The following UPRT variants were observed in gnomAD, a reference collection of about 807,000 sequenced individuals.
UPRT encodes uracil phosphoribosyltransferase homolog.
Under a neutral mutation model 22.6 loss-of-function variants are expected in UPRT, and 5 were observed. The observed-to-expected ratio is 0.22, with a 90% confidence interval of 0.12 to 0.47. The LOEUF (loss-of-function observed/expected upper bound fraction) is 0.47, where lower values mean the gene tolerates loss of function less well. UPRT is among the 20% of genes least tolerant of loss of function. UPRT has a pLI of 0.99. For missense variants in UPRT, 181 were observed against 239.9 expected (o/e 0.75, Z 1.62); for synonymous variants, 77 against 87.7 (o/e 0.88, Z 0.68).
chrX:75,184,731 G>A (rs1422953457), intron 4 of UPRT, among the ~76,000 whole-genome samples: 5 of 109,338 alleles, frequency 4.6e-5, no homozygotes, highest in Admixed American at 3.9e-4. Flanking sequence ...TCCTTGAAGA[G>A]GTCCTTCACA....
chrX:75,253,001 A>T (rs2082536808), intron 4 of UPRT, among the ~76,000 whole-genome samples: 1 of 110,861 alleles, frequency 9.0e-6, no homozygotes, highest in Admixed American at 9.6e-5. Flanking sequence ...ATGAGAACAC[A>T]TGGACACAGG....
intron 1 of UPRT, among the ~76,000 whole-genome samples, chrX:75,277,931 G>A (rs973083421): frequency 3.6e-5 from 4 of 111,057 alleles, no homozygotes; most frequent in African/African-American, 1.3e-4. Context: ...TCTCTCACAA[G>A]ACCTGTTTTA....
chrX:75,244,287 G>T (rs775586438), intron 4 of UPRT, among the ~76,000 whole-genome samples: 3 of 111,867 alleles, frequency 2.7e-5, no homozygotes, highest in Non-Finnish European at 3.8e-5. Context: ...GAATGTGTTG[G>T]TAAGATTCCT....
chrX:75,240,661 A>G (rs1187230212), intron 4 of UPRT, among the ~76,000 whole-genome samples: 2 of 111,869 alleles, frequency 1.8e-5, no homozygotes, highest in African/African-American at 6.5e-5. Flanking sequence ...GAGGTATCAC[A>G]TTACTTGACT....
At chrX:75,172,257 T>C (rs1382622168) in intron 4 of UPRT, among the ~76,000 whole-genome samples, 1 of 111,137 alleles carries the variant, frequency 9.0e-6, no homozygotes, top group Non-Finnish European at 1.9e-5. Context: ...CTGAGCTTGC[T>C]GAGGCTGCTG....
At chrX:75,255,409 A>G (rs2082546491) in intron 4 of UPRT, among the ~76,000 whole-genome samples, 1 of 112,065 alleles carries the variant, frequency 8.9e-6, no homozygotes, top group Non-Finnish European at 1.9e-5. Context: ...ACCTCTTTAA[A>G]GCATAAATCT....
chrX:75,183,770 C>T (rs1463767429), intron 4 of UPRT, among the ~76,000 whole-genome samples: 1 of 112,228 alleles, frequency 8.9e-6, no homozygotes, highest in African/African-American at 3.2e-5. Context: ...TCTCTGATGA[C>T]CAGTGATGAT....
upstream of UPRT, among the ~76,000 whole-genome samples, chrX:75,272,747 T>G (rs190833753): frequency 3.7e-5 from 4 of 108,630 alleles, no homozygotes; most frequent in East Asian, 1.2e-3. Context: ...AAAAAAAAAA[T>G]TATAAAAAAA....
upstream of UPRT, among the ~76,000 whole-genome samples, chrX:75,270,342 T>C (rs995461514): frequency 8.9e-6 from 1 of 111,776 alleles, no homozygotes; most frequent in African/African-American, 3.3e-5. Context: ...TGGAAGATAG[T>C]GTGGGGATTC....
intron 2 of UPRT, 123 bp from the exon 3 acceptor site, chrX:75,296,219 C>A: frequency 3.3e-6 from 2 of 606,581 alleles, no homozygotes; most frequent in Non-Finnish European, 5.1e-6. Context: ...CCCCTTACTG[C>A]CTCCACAAGT....
intron 4 of UPRT, among the ~76,000 whole-genome samples, chrX:75,225,640 T>A (rs1454210534): frequency 9.0e-6 from 1 of 111,726 alleles, no homozygotes; most frequent in Non-Finnish European, 1.9e-5. Context: ...ACTTGCTGTT[T>A]GACCTTAGGA....
At chrX:75,275,530 C>A (rs2082627986) in intron 1 of UPRT, among the ~76,000 whole-genome samples, 1 of 111,214 alleles carries the variant, frequency 9.0e-6, no homozygotes, top group Admixed American at 9.6e-5. Flanking sequence ...CTCTAGAAAC[C>A]TTGTCTTACA....
intron 4 of UPRT, among the ~76,000 whole-genome samples, chrX:75,267,961 A>G (rs977517220): frequency 1.8e-5 from 2 of 111,733 alleles, no homozygotes; most frequent in Non-Finnish European, 1.9e-5. Flanking sequence ...AAAAAAATCA[A>G]TGAATCCAGG....
intron 4 of UPRT, among the ~76,000 whole-genome samples, chrX:75,264,548 C>A (rs1466024963): frequency 4.5e-5 from 5 of 111,397 alleles, no homozygotes; most frequent in African/African-American, 1.3e-4. Context: ...ATTGCAACCC[C>A]TTCCTTTTTT....
intron 4 of UPRT, among the ~76,000 whole-genome samples, chrX:75,226,874 C>G (rs2082425140): frequency 9.0e-6 from 1 of 111,021 alleles, no homozygotes; most frequent in Admixed American, 9.7e-5. Context: ...AGAACACTGT[C>G]TGGCACAAAG....
chrX:75,290,370 T>C (rs2082701719), intron 1 of UPRT, among the ~76,000 whole-genome samples: 1 of 112,142 alleles, frequency 8.9e-6, no homozygotes, highest in African/African-American at 3.2e-5. Context: ...GTAAATTAGT[T>C]CAGTCAGTGT....
At chrX:75,242,237 T>A (rs1393041115) in intron 4 of UPRT, among the ~76,000 whole-genome samples, 1 of 111,326 alleles carries the variant, frequency 9.0e-6, no homozygotes, top group Admixed American at 9.7e-5. Flanking sequence ...ATCCTTTTAG[T>A]TAATAGATTT....
At chrX:75,232,792 C>A (rs1405243681) in intron 4 of UPRT, among the ~76,000 whole-genome samples, 57 of 111,785 alleles carry the variant, frequency 5.1e-4, no homozygotes, top group African/African-American at 1.7e-3. Context: ...CTGTACATCA[C>A]CATCATCAAA....
intron 4 of UPRT, among the ~76,000 whole-genome samples, chrX:75,245,392 G>T (rs192120256): frequency 9.0e-6 from 1 of 111,227 alleles, no homozygotes; most frequent in Non-Finnish European, 1.9e-5. Flanking sequence ...GTGAGTTCTC[G>T]AATAAGTCAA....
Sources: allele counts gnomAD v4.1 joint callset (sites outside exome capture counted in the v4.1 genomes callset), GRCh38; gene constraint gnomAD v4.1.1; transcripts MANE v1.5; gene names NCBI Gene and HGNC (gene_info 2026-07-23, HGNC 2026-07-21).